Variants in AGA observed in about 807,000 individuals in gnomAD.
AGA encodes the protein N(4)-(beta-N-acetylglucosaminyl)-L-asparaginase.
Under a neutral mutation model 40.1 loss-of-function variants are expected in AGA, and 31 were observed. That is an observed-to-expected ratio of 0.77 (90% confidence interval 0.58 to 1.04). The LOEUF (loss-of-function observed/expected upper bound fraction) is 1.04. AGA is among the 50% of genes least tolerant of loss of function. The probability of loss-of-function intolerance (pLI) is 0.00; values close to 1 mark genes in which losing one functional copy is unlikely to be tolerated. For missense variants in AGA, 445 were observed against 435.4 expected, an observed-to-expected ratio of 1.02 and a Z score of -0.20; for synonymous variants, 148 against 144.0, an observed-to-expected ratio of 1.03 and a Z score of -0.20.
chr4:177,437,571 G>T, intron 4 of AGA, 52 bp from the exon 5 acceptor site: 1 of 1,324,164 alleles, frequency 7.6e-7, no homozygotes, highest in Non-Finnish European at 1.1e-6. Flanking sequence ...TTTAGAAATT[G>T]CCAAGAAATT....
At position 177,431,643 on chromosome 4, in the gene AGA, G is replaced by C; in HGVS notation, c.*65C>G. 2.3e-6 allele frequency: 3 copies of C among 1,333,170 alleles called. No homozygotes were observed. The highest frequency in any genetic ancestry group is 3.6e-4 in the Middle Eastern group (2 of 5,590). 82.6% of individuals were successfully genotyped at this position (1,333,170 alleles called of 1,614,324 possible). ...ACATGAGGAACACTAGATGATGAGA[G>C]TGAGCAGCCTTTTCAGCCTTTGTTT... On this transcript the variant is annotated 3_prime_UTR_variant, in exon 9 of 9. Coordinates refer to ENST00000264595, the MANE Select transcript of AGA (RefSeq NM_000027.4).
At chr4:177,431,829 G>C in intron 8 of AGA, 21 bp from the exon 9 acceptor site, 1 of 1,581,700 alleles carries the variant, frequency 6.3e-7, no homozygotes, top group South Asian at 1.1e-5. Flanking sequence ...AAATGAGAAA[G>C]AAGTTTGGTG....
At chr4:177,440,018 T>C (rs1736943793) in intron 2 of AGA, 1 of 590,386 alleles carries the variant, frequency 1.7e-6, no homozygotes, top group Admixed American at 3.0e-5. Flanking sequence ...TGATTGTTTA[T>C]AAGGTCAGAG....
At chr4:177,436,408 C>A (rs961216952) in intron 5 of AGA, 57 bp from the exon 6 acceptor site, 1 of 1,349,378 alleles carries the variant, frequency 7.4e-7, no homozygotes, top group Non-Finnish European at 1.1e-6. Context: ...TCAAATATAA[C>A]CAAATAATTG....
rs1560944980 is a variant in AGA at position 177,431,757 on chromosome 4, TA to T, written c.991del (p.Tyr331IlefsTer34). 1.2e-6 allele frequency: 2 copies of T among 1,613,972 alleles called. No individual in the cohort carries two copies. Among genetic ancestry groups the T allele is most frequent in the South Asian group, 2.2e-5 (2 of 91,068 alleles). ...STFTQFSFMV[Y>X]NSEKNQPTEE... ...AGTTGGCTGATTTTTTTCGGAATTA[TA>T]AACCATGAAACTAAACTGAGTAAAT... On this transcript the variant is annotated frameshift_variant, in exon 9 of 9. Coordinates refer to ENST00000264595, the MANE Select transcript of AGA (RefSeq NM_000027.4). LOFTEE classifies it high-confidence loss of function.
chr4:177,440,346 C>T lies in AGA; in HGVS notation c.208G>A (p.Asp70Asn). The T allele has an allele frequency of 6.2e-7, 1 of 1,614,102 alleles. No homozygotes were observed. The highest frequency in any genetic ancestry group is 8.5e-7 in the Non-Finnish European group (1 of 1,180,012). Reference sequence around the variant, plus strand: ...CTTCCTCCAAAGCCTACAGAGCCGTCACACTGCTCTCTCTCACACATGGCA... The same window carrying T: ...CTTCCTCCAAAGCCTACAGAGCCGTTACACTGCTCTCTCTCACACATGGCA... ...GCAMCEREQC[D>N]GSVGFGGSPD... is the part of the protein sequence containing the mutation. The change falls in exon 2 of 9, where the codon GAC (aspartate) becomes AAC (asparagine). Residue 70 changes from aspartate (D) to asparagine (N), a missense_variant. Coordinates refer to ENST00000264595, the MANE Select transcript of AGA (RefSeq NM_000027.4).
In AGA at chr4:177,439,624, G is replaced by A. The variant is rs386833423; in HGVS notation, c.346C>T (p.Arg116Trp). 6 of 1,613,172 alleles carry A rather than the reference G, an allele frequency of 3.7e-6. No individual in the cohort carries two copies. The highest frequency in any genetic ancestry group is 5.1e-6 in the Non-Finnish European group (6 of 1,179,488). ...TGTGTTGTATGTTCCAGTACTTTCC[G>A]TGCCACACCAATAGCATTTTTAATT... Reference protein sequence around the residue: ...RRIKNAIGVARKVLEHTTHTL... With the variant: ...RRIKNAIGVAWKVLEHTTHTL... Residue 116 changes from arginine (R) to tryptophan (W), a missense_variant, in exon 3 of 9, where the codon CGG becomes TGG. Transcript: ENST00000264595.
chr4:177,436,297 C>T lies in AGA; in HGVS notation c.677G>A (p.Gly226Asp), dbSNP rs386833431. The T allele has an allele frequency of 2.0e-5, 32 of 1,612,820 alleles. No individual in the cohort carries two copies. Among genetic ancestry groups the T allele is most frequent in the African/African-American group, 6.7e-5 (5 of 74,796 alleles). The change falls in exon 6 of 9, where the codon GGT (glycine) becomes GAT (aspartate). Residue 226 changes from glycine (G) to aspartate (D), a missense_variant. Physicochemically the swap from Gly to Asp is moderately conservative, Grantham distance 94 (BLOSUM62 -1). Coordinates refer to ENST00000264595, the MANE Select transcript of AGA (RefSeq NM_000027.4). ...TAACCCATGTATTTTGAATTTTATACCATTTGTAGATGTACCAGCAGCAAT... is the reference window on the plus strand; with the variant it reads ...TAACCCATGTATTTTGAATTTTATATCATTTGTAGATGTACCAGCAGCAAT... ...GHIAAGTSTN[G>D]IKFKIHGRVG...
Position 177,434,459 on chromosome 4 carries a change from A to G in AGA, c.729T>C (p.Ala243=). The G allele has an allele frequency of 6.2e-7, 1 of 1,614,184 alleles. No individual in the cohort carries two copies. Among genetic ancestry groups the G allele is most frequent in the Non-Finnish European group, 8.5e-7 (1 of 1,180,034 alleles). Residue 243 remains alanine (A), a synonymous_variant, in exon 7 of 9, where the codon GCT becomes GCC. Coordinates refer to ENST00000264595, the MANE Select transcript of AGA (RefSeq NM_000027.4). ...GRVGDSPIPG[A]GAYADDTAGA... ...CTGCAGTATCGTCAGCATAGGCTCC[A>G]GCTCCAGGTATTGGTGAGTCTCCTA...
chr4:177,430,810 T>G lies in AGA; in HGVS notation c.*898A>C. 2.2e-6 allele frequency: 1 copy of G among 453,942 alleles called. No individual in the cohort carries two copies. The highest frequency in any genetic ancestry group is 4.4e-6 in the Non-Finnish European group (1 of 226,640). The allele number at this position is 453,942 out of a possible 1,614,324, so 28.1% of individuals were successfully genotyped here. ...TACATGTACATTTATTAATGACTGT[T>G]GATTAAAAAGATGATTTTGAAGGAA... is the stretch of plus-strand genomic sequence containing the variant. On this transcript the variant is annotated 3_prime_UTR_variant, in exon 9 of 9. Coordinates refer to ENST00000264595, the MANE Select transcript of AGA (RefSeq NM_000027.4).
chr4:177,437,352 G>A (rs1736856370), intron 5 of AGA, 53 bp downstream of exon 5: 1 of 1,234,236 alleles, frequency 8.1e-7, no homozygotes, highest in Non-Finnish European at 1.2e-6. Flanking sequence ...AAGAGCTACA[G>A]GAAGATAATT....
rs1187745882 is a variant in AGA at position 177,431,405 on chromosome 4, A to C, written c.*303T>G. Reference sequence around the variant, plus strand: ...TTGGGTTTAATATATCACTGTGGAAATAAATCTCAAAGTAGCAATTTTTTG... The same window carrying C: ...TTGGGTTTAATATATCACTGTGGAACTAAATCTCAAAGTAGCAATTTTTTG... On this transcript the variant is annotated 3_prime_UTR_variant, in exon 9 of 9. Transcript: ENST00000264595. The C allele has an allele frequency of 2.3e-5, 10 of 437,912 alleles. No individual in the cohort carries two copies. The Admixed American group carries it at 2.6e-4, about 11-fold the overall frequency. The allele number at this position is 437,912 out of a possible 1,614,324, so 27.1% of individuals were successfully genotyped here. A position where few individuals can be genotyped will look rare whatever the true frequency, so the allele number is the denominator to read the frequency against.
intron 6 of AGA, among the ~76,000 whole-genome samples, chr4:177,434,769 G>A (rs1736754343): frequency 6.6e-6 from 1 of 152,164 alleles, no homozygotes; most frequent in Admixed American, 6.6e-5. Context: ...GCTGGGGGGA[G>A]GGGGACCTGG....
intron 1 of AGA, 89 bp downstream of exon 1, chr4:177,442,160 C>T (rs981404749): frequency 6.3e-7 from 1 of 1,575,046 alleles, no homozygotes; most frequent in Non-Finnish European, 8.6e-7. Flanking sequence ...TTCCGTCCGC[C>T]CTGCCGGGTG....
rs762190866 is a variant in AGA, at chr4:177,442,392, GACC to G, written c.-20_-18del. On this transcript the variant is annotated 5_prime_UTR_variant, in exon 1 of 9. Coordinates refer to ENST00000264595, the MANE Select transcript of AGA (RefSeq NM_000027.4). ...CCGCGCCATCCCTGACCACCGAAGA[GACC>G]AGCGCGAGAAAAGTCCCGGCAGCCA... The G allele has an allele frequency of 6.2e-7, 1 of 1,613,906 alleles. No individual in the cohort carries two copies. Among genetic ancestry groups the G allele is most frequent in the Non-Finnish European group, 8.5e-7 (1 of 1,179,894 alleles).
intron 5 of AGA, 197 bp downstream of exon 5, chr4:177,437,208 G>A: frequency 1.8e-6 from 1 of 551,286 alleles, no homozygotes; most frequent in Admixed American, 3.4e-5. Context: ...AATAGTCATT[G>A]GGTTTTAGGT....
chr4:177,436,836 C>T (rs754098639), intron 5 of AGA, among the ~76,000 whole-genome samples: 5 of 152,144 alleles, frequency 3.3e-5, no homozygotes, highest in East Asian at 3.8e-4. Context: ...CTTTAAGAGG[C>T]GATTAGGCTA....
Position 177,433,301 on chromosome 4 carries a change from C to G in AGA, c.853G>C (p.Ala285Pro), listed in dbSNP as rs752839702. ...ATTCTTGAAATCACTTTTTGGCAAGCTATGGTTGGATCTTCTCCTCTTCTC... is the reference window on the plus strand; with the variant it reads ...ATTCTTGAAATCACTTTTTGGCAAGGTATGGTTGGATCTTCTCCTCTTCTC... ...YMRRGEDPTIACQKVISRIQK... is the reference protein window; with the variant it reads ...YMRRGEDPTIPCQKVISRIQK... Residue 285 changes from alanine to proline, a missense_variant, in exon 8 of 9, where the codon GCT (alanine) becomes CCT (proline). By Grantham distance (27) the Ala-to-Pro change is conservative. Coordinates refer to ENST00000264595, the MANE Select transcript of AGA (RefSeq NM_000027.4). 5 of 1,614,062 alleles carry G rather than the reference C, an allele frequency of 3.1e-6. No homozygotes were observed. The highest frequency in any genetic ancestry group is 1.7e-5 in the Admixed American group (1 of 60,020).
Position 177,442,371 on chromosome 4 carries a change from G to A in AGA, c.5C>T (p.Ala2Val), listed in dbSNP as rs1308534107. M[A>V]RKSNLPVLLV... ...AAGCACAGGCAAGTTCGACTTCCGC[G>A]CCATCCCTGACCACCGAAGAGACCA... The change falls in exon 1 of 9, where the codon GCG (alanine) becomes GTG (valine). Residue 2 changes from alanine (A) to valine (V), a missense_variant. By Grantham distance (64) the Ala-to-Val change is moderately conservative. Transcript: ENST00000264595. 1.9e-6 allele frequency: 3 copies of A among 1,613,862 alleles called. No individual in the cohort carries two copies. The highest frequency in any genetic ancestry group is 2.5e-6 in the Non-Finnish European group (3 of 1,179,924).
Sources: allele counts gnomAD v4.1 joint callset (sites outside exome capture counted in the v4.1 genomes callset), GRCh38; gene constraint gnomAD v4.1.1; transcripts MANE v1.5; gene names NCBI Gene and HGNC (gene_info 2026-07-23, HGNC 2026-07-21).